The following FAM53A variants were observed in gnomAD, a reference collection of about 807,000 sequenced individuals.
FAM53A encodes protein FAM53A.
FAM53A carries 28 observed loss-of-function variants against 26.6 expected under a neutral mutation model. The ratio of observed to expected loss-of-function variants is 1.05; its 90% CI spans 0.78 to 1.45. FAM53A has a LOEUF of 1.45. Ranked by LOEUF, FAM53A falls within the 40% of genes most tolerant of loss-of-function variation. The pLI is 0.00. For missense variants in FAM53A, 650 were observed against 575.8 expected (o/e 1.13, Z -1.32); for synonymous variants, 290 against 253.1 (o/e 1.15, Z -1.38).
chr4:1,599,016 G>A, the FAM53A span, among the ~76,000 whole-genome samples: 3 of 152,396 alleles, frequency 2.0e-5, no homozygotes, highest in Non-Finnish European at 2.9e-5. The surrounding 1 kb of genome is among the most constrained non-coding windows in gnomAD (Gnocchi z 6.1). Context: ...GCAGCACCGC[G>A]TTCCTTCCCC....
At chr4:1,650,482 T>C (rs1281441128) in intron 4 of FAM53A, among the ~76,000 whole-genome samples, 1 of 151,914 alleles carries the variant, frequency 6.6e-6, no homozygotes, top group Non-Finnish European at 1.5e-5. Context: ...TGGTTTTGAT[T>C]TTGGTTTTTT....
intron 1 of FAM53A, among the ~76,000 whole-genome samples, chr4:1,621,223 C>A (rs1715018222): frequency 6.6e-6 from 1 of 151,388 alleles, no homozygotes; most frequent in Admixed American, 6.6e-5. Context: ...CCTGCCTCAG[C>A]CTCCCGCATA....
At chr4:1,651,076 G>A (rs1227488557) in intron 4 of FAM53A, among the ~76,000 whole-genome samples, 1 of 151,348 alleles carries the variant, frequency 6.6e-6, no homozygotes, top group Non-Finnish European at 1.5e-5. Context: ...AATTAGCTGG[G>A]CGTGATGGTG....
Position 1,655,459 on chromosome 4 carries a change from C to A in FAM53A, c.401G>T (p.Arg134Leu). ...LSEPEELVRCRSPWRPGSSKV... is the reference protein window; with the variant it reads ...LSEPEELVRCLSPWRPGSSKV... ...GGAGCTGCCGGGGCGCCAGGGGGACCGGCAGCGCACAAGCTCCTCGGGTTC... is the reference window on the plus strand; with the variant it reads ...GGAGCTGCCGGGGCGCCAGGGGGACAGGCAGCGCACAAGCTCCTCGGGTTC... Residue 134 changes from arginine (R) to leucine (L), a missense_variant, in exon 4 of 5, where the codon CGG becomes CTG. Transcript: ENST00000308132. 1 of 1,551,440 alleles carries A rather than the reference C, an allele frequency of 6.4e-7. No homozygotes were observed. Among genetic ancestry groups the A allele is most frequent in the Admixed American group, 2.0e-5 (1 of 50,714 alleles).
At chr4:1,637,173 C>T (rs533103938), downstream of FAM53A, among the ~76,000 whole-genome samples, 481 of 150,986 alleles carry the variant, frequency 3.2e-3, no homozygotes, top group African/African-American at 9.7e-3. Context: ...GCCATGCCTC[C>T]GGCACCCATG....
chr4:1,649,971 A>G (rs1712614401), intron 4 of FAM53A, among the ~76,000 whole-genome samples: 1 of 86,418 alleles, frequency 1.2e-5, no homozygotes, highest in Admixed American at 1.2e-4. Context: ...TTTGACTGTG[A>G]GGTGGCACAG....
At chr4:1,576,710 G>A in the FAM53A span, among the ~76,000 whole-genome samples, 14 of 152,378 alleles carry the variant, frequency 9.2e-5, no homozygotes, top group African/African-American at 3.1e-4. Context: ...GGGCGACTGG[G>A]ACTGTGCCCC....
chr4:1,612,903 T>C, the FAM53A span, among the ~76,000 whole-genome samples: 1 of 152,154 alleles, frequency 6.6e-6, no homozygotes, highest in East Asian at 1.9e-4. Flanking sequence ...TACACACACA[T>C]GCCAACACAC....
At chr4:1,609,778 T>C in the FAM53A span, among the ~76,000 whole-genome samples, 1 of 151,714 alleles carries the variant, frequency 6.6e-6, no homozygotes, top group Non-Finnish European at 1.5e-5. Flanking sequence ...GCCTGGCCAA[T>C]ATGGTGAAAC....
intron 4 of FAM53A, among the ~76,000 whole-genome samples, chr4:1,643,262 C>A (rs575959656): frequency 2.6e-5 from 4 of 152,008 alleles, no homozygotes; most frequent in South Asian, 4.1e-4. Context: ...GTCAGGAGAT[C>A]AAGACCATCC....
In FAM53A at chr4:1,655,521, C is replaced by T. The variant is rs547422266; in HGVS notation, c.339G>A (p.Thr113=). ...GGCAATGCCGCTTGGTCGGTGGGGC[C>T]GTGGACGAGCCTGTGCTTTCACTGG... ...VDPSESTGSS[T]APPTKRHCRS... Residue 113 remains threonine (T), a synonymous_variant, in exon 4 of 5, where the codon ACG becomes ACA. Coordinates refer to ENST00000308132, the MANE Select transcript of FAM53A (RefSeq NM_001174070.3). 18 of 1,564,736 alleles carry T rather than the reference C, an allele frequency of 1.2e-5. No individual in the cohort carries two copies. Among genetic ancestry groups the T allele is most frequent in the Admixed American group, 9.5e-5 (5 of 52,604 alleles).
the FAM53A span, among the ~76,000 whole-genome samples, chr4:1,576,435 A>G: frequency 6.6e-6 from 1 of 152,216 alleles, no homozygotes; most frequent in Non-Finnish European, 1.5e-5. Flanking sequence ...CAGCACAGCG[A>G]CGTGTCCTGA....
chr4:1,622,680 G>A (rs562895920), intron 1 of FAM53A, among the ~76,000 whole-genome samples: 5 of 152,340 alleles, frequency 3.3e-5, no homozygotes, highest in Admixed American at 6.5e-5. Context: ...TGGCTCGCTC[G>A]GGGAGGGAGG....
rs898158351 is a variant in FAM53A at position 1,659,433 on chromosome 4, C to T, written c.76-1965G>A. On this transcript the variant is annotated intron_variant, in intron 2 of 4. Coordinates refer to ENST00000308132, the MANE Select transcript of FAM53A (RefSeq NM_001174070.3). The surrounding 1 kb of genome is among the most constrained non-coding windows in gnomAD (Gnocchi z 5.2). ...AACAGCACCCAGCTCGACGCTGCCA[C>T]GGAAAAACGTCTAGCAAGGAAAGGA... 2.0e-5 allele frequency among the ~76,000 whole-genome samples: 3 copies of T among 152,228 alleles called. No individual in the cohort carries two copies. Among genetic ancestry groups the T allele is most frequent in the Non-Finnish European group, 4.4e-5 (3 of 68,048 alleles).
chr4:1,667,507 C>T (rs1714321216), intron 2 of FAM53A, among the ~76,000 whole-genome samples: 1 of 152,092 alleles, frequency 6.6e-6, no homozygotes, highest in Admixed American at 6.6e-5. Flanking sequence ...GAGTGCCAGG[C>T]CCCACAAGCA....
At chr4:1,601,233 C>CCGGGGGAGATGGGACGGGGGAGGTG in the FAM53A span, among the ~76,000 whole-genome samples, 1 of 87,350 alleles carries the variant, frequency 1.1e-5, no homozygotes. Flanking sequence ...CGCAACAGGT[C>CCGGGGGAGATGGGACGGGGGAGGTG]GGACACCCAC....
the FAM53A span, among the ~76,000 whole-genome samples, chr4:1,586,553 A>T: frequency 6.6e-6 from 1 of 151,888 alleles, no homozygotes; most frequent in African/African-American, 2.4e-5. Context: ...AGGCGGGCGG[A>T]TCACGAGGTC....
the FAM53A span, among the ~76,000 whole-genome samples, chr4:1,603,149 A>G: frequency 6.6e-6 from 1 of 152,112 alleles, no homozygotes; most frequent in East Asian, 1.9e-4. Context: ...GGGCGAGCCG[A>G]GTAGCAAGGA....
chr4:1,674,229 T>C (rs1714879585), intron 1 of FAM53A, among the ~76,000 whole-genome samples: 1 of 152,190 alleles, frequency 6.6e-6, no homozygotes, highest in Non-Finnish European at 1.5e-5. Context: ...CTTATAGCTG[T>C]ACCACTGCAA....
Sources: gnomAD v4.1 joint callset for allele counts (sites outside exome capture counted in the v4.1 genomes callset) on GRCh38, gnomAD v4.1.1 for gene constraint, Gnocchi (gnomAD v3.1) non-coding constraint, MANE v1.5 for transcripts, NCBI Gene and HGNC (gene_info 2026-07-23, HGNC 2026-07-21) for gene names.